Variants in PRKN observed in about 807,000 individuals in gnomAD.
PRKN encodes the protein E3 ubiquitin-protein ligase parkin.
A neutral mutation model predicts 59.5 loss-of-function variants in PRKN; 56 were observed. The observed-to-expected ratio is 0.94, with a 90% CI of 0.76 to 1.18. PRKN has a LOEUF of 1.18. Ranked by LOEUF, PRKN falls within the 50% of genes most tolerant of loss-of-function variation. The pLI, the probability that PRKN is intolerant of heterozygous loss-of-function variation, is 0.00. For synonymous variants in PRKN, 250 were observed against 222.1 expected (o/e 1.13, Z -1.12); for missense variants, 657 against 596.4 (o/e 1.10, Z -1.06).
intron 4 of PRKN, among the ~76,000 whole-genome samples, chr6:162,192,505 T>C (rs1784325350): frequency 7.5e-6 from 1 of 134,212 alleles, no homozygotes; most frequent in Non-Finnish European, 1.6e-5. Flanking sequence ...CAGGCTGGAA[T>C]GTGGTGGCAT....
At chr6:161,703,686 T>A (rs1057028480) in intron 7 of PRKN, among the ~76,000 whole-genome samples, 3 of 152,068 alleles carry the variant, frequency 2.0e-5, no homozygotes, top group Non-Finnish European at 4.4e-5. Flanking sequence ...GCCTCTCCAA[T>A]CCATTCTCTC....
intron 1 of PRKN, among the ~76,000 whole-genome samples, chr6:162,603,092 T>C (rs924012748): frequency 2.6e-5 from 4 of 152,102 alleles, no homozygotes; most frequent in Non-Finnish European, 5.9e-5. Context: ...TTTTGGTTCG[T>C]GGGGTGTTTC....
rs1166283389 is a variant in PRKN, at chr6:161,407,196, G to A, written c.1084-20319C>T. The stretch of plus-strand genomic sequence containing the variant: ...TCATAATCTACATGGAAAACAAAAA[G>A]TCATACCAAAATTATAACTGCTAAG... On this transcript the variant is annotated intron_variant, in intron 9 of 11. Coordinates refer to ENST00000366898, the MANE Select transcript of PRKN (RefSeq NM_004562.3). This position sits in a 1 kb window ranked among gnomAD's most constrained non-coding sequence, Gnocchi z 4.9. Among the ~76,000 whole-genome samples, 1 of 152,012 alleles carries A rather than the reference G, an allele frequency of 6.6e-6. No homozygotes were observed. The highest frequency in any genetic ancestry group is 1.5e-5 in the Non-Finnish European group (1 of 68,006).
chr6:161,469,064 G>C (rs1299394233), intron 9 of PRKN, among the ~76,000 whole-genome samples: 1 of 152,158 alleles, frequency 6.6e-6, no homozygotes, highest in African/African-American at 2.4e-5. Context: ...CCCCATGTCT[G>C]TGTACTCATC....
chr6:161,973,521 G>C, intron 5 of PRKN, 104 bp from the exon 6 acceptor site: 1 of 721,898 alleles, frequency 1.4e-6, no homozygotes. Context: ...GAAGAAATCT[G>C]TTACGAGGTG....
intron 2 of PRKN, among the ~76,000 whole-genome samples, chr6:162,412,099 A>G (rs1395708300): frequency 6.6e-6 from 1 of 152,182 alleles, no homozygotes; most frequent in Non-Finnish European, 1.5e-5. Flanking sequence ...ATTTACTTAA[A>G]AACAGAATAG....
chr6:161,552,947 C>T lies in PRKN; in HGVS notation c.934-3944G>A, dbSNP rs772782930. Among the ~76,000 whole-genome samples the T allele has an allele frequency of 2.0e-5, 3 of 151,952 alleles. No homozygotes were observed. The highest frequency in any genetic ancestry group is 4.4e-5 in the Non-Finnish European group (3 of 67,974). On this transcript the variant is annotated intron_variant, in intron 8 of 11. Coordinates refer to ENST00000366898, the MANE Select transcript of PRKN (RefSeq NM_004562.3). This position sits in a 1 kb window ranked among gnomAD's most constrained non-coding sequence, Gnocchi z 4.9. ...CTGGGACTACAGGTGTGTACCACCACACCCAGCTAGCTTTTGTATTTTTAG... is the reference window on the plus strand; with the variant it reads ...CTGGGACTACAGGTGTGTACCACCATACCCAGCTAGCTTTTGTATTTTTAG...
intron 6 of PRKN, among the ~76,000 whole-genome samples, chr6:161,845,892 C>T (rs537332342): frequency 2.0e-5 from 3 of 152,260 alleles, no homozygotes; most frequent in South Asian, 2.1e-4. Context: ...CCTGTCAATC[C>T]GACACGAAGA....
chr6:161,472,527 C>CTTAA (rs1790845501), intron 9 of PRKN, among the ~76,000 whole-genome samples: 1 of 152,130 alleles, frequency 6.6e-6, no homozygotes, highest in Non-Finnish European at 1.5e-5. Flanking sequence ...GATGAAAGAA[C>CTTAA]TTAACATAGG....
chr6:161,429,352 G>A lies in PRKN; in HGVS notation c.1084-42475C>T, dbSNP rs1207120137. Among the ~76,000 whole-genome samples the A allele has an allele frequency of 6.6e-6, 1 of 152,188 alleles. No homozygotes were observed. The highest frequency in any genetic ancestry group is 1.9e-4 in the East Asian group (1 of 5,196). ...GGAGCTTATAGTCAGTCATGGGCAA[G>A]TAAACAGGTCATTATAACACAGCAG... On this transcript the variant is annotated intron_variant, in intron 9 of 11. Coordinates refer to ENST00000366898, the MANE Select transcript of PRKN (RefSeq NM_004562.3). This position sits in a 1 kb window ranked among gnomAD's most constrained non-coding sequence, Gnocchi z 4.2.
At chr6:161,631,833 G>A (rs1783327110) in intron 7 of PRKN, among the ~76,000 whole-genome samples, 1 of 151,598 alleles carries the variant, frequency 6.6e-6, no homozygotes, top group Non-Finnish European at 1.5e-5. Context: ...TTATTCATTG[G>A]AAATTTGCCA....
intron 4 of PRKN, among the ~76,000 whole-genome samples, chr6:162,054,878 C>T (rs896443990): frequency 1.3e-5 from 2 of 152,060 alleles, no homozygotes; most frequent in East Asian, 3.9e-4. Flanking sequence ...TTTAAGAAAT[C>T]GGGCTGTGCA....
intron 2 of PRKN, among the ~76,000 whole-genome samples, chr6:162,298,372 T>G (rs1012845453): frequency 6.6e-6 from 1 of 152,068 alleles, no homozygotes; most frequent in East Asian, 1.9e-4. Flanking sequence ...GACCTAACAA[T>G]AGTAACAGCT....
intron 1 of PRKN, among the ~76,000 whole-genome samples, chr6:162,673,018 C>G (rs552946451): frequency 6.6e-6 from 1 of 152,180 alleles, no homozygotes; most frequent in Non-Finnish European, 1.5e-5. Flanking sequence ...AAATGGGAAA[C>G]AAGTTTAATA....
chr6:161,602,546 A>G (rs1220468859), intron 7 of PRKN, among the ~76,000 whole-genome samples: 1 of 152,198 alleles, frequency 6.6e-6, no homozygotes, highest in Non-Finnish European at 1.5e-5. Context: ...TTGTCCCTCA[A>G]GGAATATTTT....
intron 7 of PRKN, among the ~76,000 whole-genome samples, chr6:161,771,882 C>T (rs1341784335): frequency 6.6e-6 from 1 of 152,128 alleles, no homozygotes; most frequent in Non-Finnish European, 1.5e-5. Flanking sequence ...TGTAAATCAA[C>T]CCCTCTAAGC....
intron 7 of PRKN, among the ~76,000 whole-genome samples, chr6:161,696,453 C>T (rs1178458227): frequency 6.6e-6 from 1 of 152,190 alleles, no homozygotes; most frequent in African/African-American, 2.4e-5. Context: ...TTCATGCCCT[C>T]AGGTTTTCAA....
At chr6:162,586,348 T>C (rs1214497643) in intron 1 of PRKN, among the ~76,000 whole-genome samples, 2 of 152,218 alleles carry the variant, frequency 1.3e-5, no homozygotes, top group Non-Finnish European at 2.9e-5. Flanking sequence ...TTAGCATTAA[T>C]TCGAAACTAA....
rs1583439222 is a variant in PRKN at position 162,360,954 on chromosome 6, T to C, written c.171+82356A>G. ...AATTTTTGACAGCTTTGATCTTTACTGAAAATTTAAATGAAAAACAAAACA... is the reference window on the plus strand; with the variant it reads ...AATTTTTGACAGCTTTGATCTTTACCGAAAATTTAAATGAAAAACAAAACA... On this transcript the variant is annotated intron_variant, in intron 2 of 11. Transcript: ENST00000366898. Among the ~76,000 whole-genome samples, 2 of 152,342 alleles carry C rather than the reference T, an allele frequency of 1.3e-5. 1 individual carries two copies. The highest frequency in any genetic ancestry group is 1.3e-4 in the Admixed American group (2 of 15,300).
Sources: allele counts gnomAD v4.1 joint callset (sites outside exome capture counted in the v4.1 genomes callset), GRCh38; gene constraint gnomAD v4.1.1; non-coding constraint Gnocchi (gnomAD v3.1); transcripts MANE v1.5; gene names NCBI Gene and HGNC (gene_info 2026-07-23, HGNC 2026-07-21).